The following CDH4 variants were observed in gnomAD, a reference collection of about 807,000 sequenced individuals.
CDH4 encodes the protein cadherin-4.
CDH4 carries 33 observed loss-of-function variants against 86.0 expected under a neutral mutation model. The observed-to-expected ratio is 0.38, with a 90% confidence interval of 0.29 to 0.51. CDH4 has a LOEUF of 0.51. Ranked by LOEUF, CDH4 falls within the 20% of genes least tolerant of loss-of-function variation. The pLI, the probability that CDH4 is intolerant of heterozygous loss-of-function variation, is 0.86. For missense variants in CDH4, 1,114 were observed against 1,307.4 expected (o/e 0.85, Z 2.28); for synonymous variants, 555 against 549.4 (o/e 1.01, Z -0.14).
intron 7 of CDH4, among the ~76,000 whole-genome samples, chr20:61,883,806 A>G (rs1230273915): frequency 6.6e-6 from 1 of 152,162 alleles, no homozygotes; most frequent in Admixed American, 6.5e-5. Context: ...CCAGACATCT[A>G]GACTCTTCTA....
intron 3 of CDH4, among the ~76,000 whole-genome samples, chr20:61,748,594 A>T (rs981157132): frequency 4.6e-5 from 7 of 152,246 alleles, no homozygotes; most frequent in African/African-American, 1.7e-4. Context: ...ACACTGAAAA[A>T]TACAAATGAA....
chr20:61,335,682 CA>C (rs1172285934), intron 2 of CDH4, among the ~76,000 whole-genome samples: 23 of 152,190 alleles, frequency 1.5e-4, no homozygotes, highest in Non-Finnish European at 1.8e-4. Flanking sequence ...CATCTGAGTT[CA>C]CCTTTAGAGA....
intron 2 of CDH4, among the ~76,000 whole-genome samples, chr20:61,385,102 G>A (rs2084943639): frequency 6.6e-6 from 1 of 152,092 alleles, no homozygotes; most frequent in Non-Finnish European, 1.5e-5. Context: ...GTTTGAACTT[G>A]GGGTTCTACC....
chr20:61,412,686 C>G (rs1447374333), intron 2 of CDH4, among the ~76,000 whole-genome samples: 1 of 152,220 alleles, frequency 6.6e-6, no homozygotes, highest in Admixed American at 6.5e-5. Context: ...GTGGTGGTCT[C>G]TGCCAGCTCC....
At chr20:61,575,689 C>T (rs1444788654) in intron 2 of CDH4, among the ~76,000 whole-genome samples, 1 of 152,088 alleles carries the variant, frequency 6.6e-6, no homozygotes, top group African/African-American at 2.4e-5. Context: ...TCTGTAACTG[C>T]TTTCATTCTG....
At chr20:61,873,663 G>C (rs1983896534) in intron 6 of CDH4, 65 bp from the exon 7 acceptor site, 1 of 1,543,184 alleles carries the variant, frequency 6.5e-7, no homozygotes, top group Non-Finnish European at 8.8e-7. Context: ...CTCTGCCCAG[G>C]TGTGTGCGGG....
chr20:61,296,857 G>A (rs958332364), intron 2 of CDH4, among the ~76,000 whole-genome samples: 3 of 152,154 alleles, frequency 2.0e-5, no homozygotes, highest in Non-Finnish European at 4.4e-5. Context: ...TGGAAGGAGG[G>A]ACGGGGGTGG....
At chr20:61,504,331 CA>C (rs2085725141) in intron 2 of CDH4, among the ~76,000 whole-genome samples, 1 of 152,196 alleles carries the variant, frequency 6.6e-6, no homozygotes, top group Admixed American at 6.5e-5. Context: ...ATTAGATACT[CA>C]GATGTTCGGA....
chr20:61,932,866 G>A (rs1328072849), intron 13 of CDH4, 119 bp from the exon 14 acceptor site: 9 of 1,347,212 alleles, frequency 6.7e-6, no homozygotes, highest in African/African-American at 4.3e-5. Context: ...GCACACATGG[G>A]CACAGTCATG....
intron 7 of CDH4, among the ~76,000 whole-genome samples, chr20:61,888,860 T>C (rs547770138): frequency 1.3e-5 from 2 of 152,010 alleles, no homozygotes; most frequent in African/African-American, 4.8e-5. Context: ...GGGGAGGTCA[T>C]GGGACTGCCT....
At chr20:61,658,548 G>A (rs866508102) in intron 2 of CDH4, among the ~76,000 whole-genome samples, 14 of 152,184 alleles carry the variant, frequency 9.2e-5, no homozygotes, top group African/African-American at 2.4e-4. Context: ...TCAGGAGGCC[G>A]AGTACCTGCA....
intron 8 of CDH4, among the ~76,000 whole-genome samples, chr20:61,906,225 T>C (rs1489212568): frequency 6.6e-6 from 1 of 152,242 alleles, no homozygotes; most frequent in African/African-American, 2.4e-5. Context: ...TTTTCATCTA[T>C]GGTCAGGCTG....
In CDH4 at chr20:61,653,553, G is replaced by T. The variant is rs1353260303; in HGVS notation, c.170-90010G>T. On this transcript the variant is annotated intron_variant, in intron 2 of 15. Coordinates refer to ENST00000614565, the MANE Select transcript of CDH4 (RefSeq NM_001794.5). ...CCTCACCTCCCGGACGGGGTGGCTG[G>T]CCAGGCGGGGGCTGACCCCCACCTC... 5.9e-5 allele frequency among the ~76,000 whole-genome samples: 8 copies of T among 134,912 alleles called. 1 individual carries two copies. Among genetic ancestry groups the T allele is most frequent in the Non-Finnish European group, 1.3e-4 (8 of 61,014 alleles). The allele number at this position is 134,912 out of a possible 152,430, so 88.5% of individuals were successfully genotyped here.
intron 6 of CDH4, among the ~76,000 whole-genome samples, chr20:61,854,869 C>G (rs1473707743): frequency 7.3e-5 from 10 of 137,664 alleles, no homozygotes; most frequent in Admixed American, 3.0e-4. Context: ...GAATTGTGCC[C>G]TTAGCCTGCC....
chr20:61,565,214 T>TTGGTGATGG (rs1568688420), intron 2 of CDH4, among the ~76,000 whole-genome samples: 1 of 31,300 alleles, frequency 3.2e-5, no homozygotes, highest in Non-Finnish European at 5.8e-5. Context: ...CGCGGTGCTC[T>TTGGTGATGG]CGGTGGTAGG....
chr20:61,391,486 G>A (rs920560205), intron 2 of CDH4, among the ~76,000 whole-genome samples: 14 of 152,156 alleles, frequency 9.2e-5, no homozygotes, highest in African/African-American at 2.9e-4. Flanking sequence ...GCCAGGGCTA[G>A]ACACATGCCC....
chr20:61,726,899 T>C (rs1463601667), intron 2 of CDH4, among the ~76,000 whole-genome samples: 1 of 151,702 alleles, frequency 6.6e-6, no homozygotes, highest in Non-Finnish European at 1.5e-5. Context: ...GCCATCATCA[T>C]CACTATCAGT....
At chr20:61,870,986 G>A (rs973808880) in intron 6 of CDH4, among the ~76,000 whole-genome samples, 4 of 152,086 alleles carry the variant, frequency 2.6e-5, no homozygotes, top group African/African-American at 4.8e-5. Flanking sequence ...TTCCTTAGAC[G>A]CACCAGTGTA....
chr20:61,929,924 C>A, intron 13 of CDH4, 82 bp downstream of exon 13: 4 of 1,106,266 alleles, frequency 3.6e-6, no homozygotes, highest in South Asian at 2.6e-5. Flanking sequence ...CAGAGGGGGG[C>A]CTGGATTTGC....
Sources: gnomAD v4.1 joint callset for allele counts (sites outside exome capture counted in the v4.1 genomes callset) on GRCh38, gnomAD v4.1.1 for gene constraint, MANE v1.5 for transcripts, NCBI Gene and HGNC (gene_info 2026-07-23, HGNC 2026-07-21) for gene names.